PPP2R3A: variants seen among roughly 807,000 people sequenced by gnomAD.
The protein encoded by PPP2R3A is serine/threonine-protein phosphatase 2A regulatory subunit B'' subunit alpha.
PPP2R3A carries 80 observed loss-of-function variants against 106.9 expected under a neutral mutation model. The ratio of observed to expected loss-of-function variants is 0.75; its 90% CI spans 0.62 to 0.90. PPP2R3A has a LOEUF of 0.90. PPP2R3A is among the 40% of genes least tolerant of loss of function. The probability of loss-of-function intolerance (pLI) is 0.00; values close to 1 mark genes in which losing one functional copy is unlikely to be tolerated. For missense variants in PPP2R3A, 1,386 were observed against 1,350.4 expected (o/e 1.03, Z -0.41); for synonymous variants, 483 against 468.3 (o/e 1.03, Z -0.41).
rs530982101 is a variant in PPP2R3A, at chr3:135,979,784, GAAGA to G, written c.-441+13936_-441+13939del. Among the ~76,000 whole-genome samples the G allele has an allele frequency of 1.4e-4, 21 of 151,864 alleles. No homozygotes were observed. In the South Asian group the frequency reaches 4.1e-3, roughly 30 times the overall value. On this transcript the variant is annotated intron_variant, in intron 1 of 13. Transcript: ENST00000264977. ...AGGGTTTTTTGGCTACAGATTAAATGAAGAGAGACACCAAGAGAGGGAAGGAGGC... is the reference window on the plus strand; with the variant it reads ...AGGGTTTTTTGGCTACAGATTAAATGGAGACACCAAGAGAGGGAAGGAGGC...
chr3:136,073,318 T>C (rs1936496876), intron 6 of PPP2R3A, among the ~76,000 whole-genome samples: 1 of 152,190 alleles, frequency 6.6e-6, no homozygotes, highest in Non-Finnish European at 1.5e-5. Context: ...AACCATTTTG[T>C]TCACATATAA....
chr3:136,041,281 A>G (rs560525186), intron 4 of PPP2R3A, among the ~76,000 whole-genome samples: 1 of 86,108 alleles, frequency 1.2e-5, no homozygotes, highest in African/African-American at 5.9e-5. Context: ...TTTTTGAGAC[A>G]GAATGTCACT....
chr3:136,074,919 A>G (rs1936549401), intron 6 of PPP2R3A, among the ~76,000 whole-genome samples: 1 of 152,244 alleles, frequency 6.6e-6, no homozygotes, highest in South Asian at 2.1e-4. Context: ...ACAGAAGACC[A>G]TAAGGAAATA....
At chr3:136,016,666 A>G (rs761827324) in intron 2 of PPP2R3A, among the ~76,000 whole-genome samples, 18 of 152,274 alleles carry the variant, frequency 1.2e-4, no homozygotes, top group Middle Eastern at 3.4e-3. Flanking sequence ...TGCATGGATT[A>G]TCTTTTTCCA....
In PPP2R3A at chr3:136,063,541, T is replaced by C. The variant is rs186457070; in HGVS notation, c.2470-6937T>C. On this transcript the variant is annotated intron_variant, in intron 5 of 13. Transcript: ENST00000264977. The stretch of plus-strand genomic sequence containing the variant: ...CTACTCATCTGACAAAGGGCTAATA[T>C]CTAGAATCTACAATGAACTCCAACA... Among the ~76,000 whole-genome samples the C allele has an allele frequency of 7.2e-3, 1,102 of 152,240 alleles. 11 individuals are homozygous for C. Among genetic ancestry groups the C allele is most frequent in the African/African-American group, 0.026 (1,079 of 41,526 alleles).
chr3:136,069,629 A>G lies in PPP2R3A; in HGVS notation c.2470-849A>G, dbSNP rs931080664. On this transcript the variant is annotated intron_variant, in intron 5 of 13. Transcript: ENST00000264977. ...TAATAATAAGCCTAAAAAAAGTTAA[A>G]GAAATAAGTCCATTGGTTTGAGACT... Among the ~76,000 whole-genome samples, 8 of 152,292 alleles carry G rather than the reference A, an allele frequency of 5.3e-5. No homozygotes were observed. The East Asian group carries it at 1.4e-3, about 26-fold the overall frequency.
rs1382547283 is a variant in PPP2R3A at position 136,001,617 on chromosome 3, A to G, written c.119A>G (p.His40Arg). ...ACTGGAACCTGCCACACCTTCACAC[A>G]TGGAATTGACTGCATTGTGGTACAC... ...YCTGTCHTFT[H>R]GIDCIVVHHS... Residue 40 changes from histidine (H) to arginine (R), a missense_variant, in exon 2 of 14, where the codon CAT (histidine) becomes CGT (arginine). Transcript: ENST00000264977. The G allele has an allele frequency of 8.1e-6, 13 of 1,614,174 alleles. No individual in the cohort carries two copies. The highest frequency in any genetic ancestry group is 3.3e-5 in the South Asian group (3 of 91,086).
intron 5 of PPP2R3A, chr3:136,055,791 T>C: frequency 1.7e-6 from 1 of 574,878 alleles, no homozygotes; most frequent in Non-Finnish European, 3.1e-6. Flanking sequence ...TTGCACATAC[T>C]GATATAAATA....
rs145131622 is a variant in PPP2R3A, at chr3:136,026,029, C to T, written c.1996-803C>T. On this transcript the variant is annotated intron_variant, in intron 2 of 13. Coordinates refer to ENST00000264977, the MANE Select transcript of PPP2R3A (RefSeq NM_002718.5). ...GCAATCTTAATTTCCTCGTTGCCTC[C>T]CTGCCACTCTTTACTGACCTTTCTA... 5.4e-3 allele frequency among the ~76,000 whole-genome samples: 824 copies of T among 152,192 alleles called. 13 individuals are homozygous for T. The highest frequency in any genetic ancestry group is 0.019 in the African/African-American group (787 of 41,516).
chr3:136,088,130 C>T lies in PPP2R3A; in HGVS notation c.2837+199C>T, dbSNP rs1341417957. ...CAACTTTTCTGATTCAGGGGGTACACGTGCAGGTCTGTCACATGGGAACAC... is the reference window on the plus strand; with the variant it reads ...CAACTTTTCTGATTCAGGGGGTACATGTGCAGGTCTGTCACATGGGAACAC... On this transcript the variant is annotated intron_variant, in intron 9 of 13. Coordinates refer to ENST00000264977, the MANE Select transcript of PPP2R3A (RefSeq NM_002718.5). Among the ~76,000 whole-genome samples, 3 of 152,094 alleles carry T rather than the reference C, an allele frequency of 2.0e-5. No individual in the cohort carries two copies. In the East Asian group the frequency reaches 5.8e-4, roughly 29 times the overall value.
intron 13 of PPP2R3A, among the ~76,000 whole-genome samples, chr3:136,131,983 C>T (rs1041823903): frequency 8.2e-5 from 8 of 97,860 alleles, no homozygotes; most frequent in African/African-American, 2.8e-4. Flanking sequence ...GGACACAGGG[C>T]GGGGAACATC....
chr3:136,015,817 T>G (rs1576436308), intron 2 of PPP2R3A, among the ~76,000 whole-genome samples: 1 of 152,220 alleles, frequency 6.6e-6, no homozygotes, highest in Non-Finnish European at 1.5e-5. Flanking sequence ...GAATTTCATT[T>G]AGTTCTGCTC....
chr3:135,978,015 T>TA (rs1185455406), intron 1 of PPP2R3A, among the ~76,000 whole-genome samples: 3 of 152,088 alleles, frequency 2.0e-5, no homozygotes, highest in Non-Finnish European at 2.9e-5. Context: ...AGCATTCTTA[T>TA]AAAACATCAA....
chr3:136,101,507 C>T (rs1937359094), intron 10 of PPP2R3A, among the ~76,000 whole-genome samples: 1 of 152,206 alleles, frequency 6.6e-6, no homozygotes, highest in African/African-American at 2.4e-5. Context: ...TCACTGCACC[C>T]TCCACCTCCC....
At chr3:136,092,809 GAAC>G (rs1452203901) in intron 10 of PPP2R3A, among the ~76,000 whole-genome samples, 3 of 152,164 alleles carry the variant, frequency 2.0e-5, no homozygotes, top group African/African-American at 7.2e-5. Flanking sequence ...AATAGTGCCG[GAAC>G]AACTGGATAT....
chr3:136,055,403 C>T (rs891705648), intron 5 of PPP2R3A: 1 of 993,242 alleles, frequency 1.0e-6, no homozygotes, highest in Non-Finnish European at 1.6e-6. Context: ...CCTCTTATCC[C>T]CTGTTGCTCT....
rs1933704720 is a variant in PPP2R3A at position 136,003,088 on chromosome 3, A to C, written c.1590A>C (p.Pro530=). 4.3e-6 allele frequency: 7 copies of C among 1,610,762 alleles called. No individual in the cohort carries two copies. Among genetic ancestry groups the C allele is most frequent in the Non-Finnish European group, 5.1e-6 (6 of 1,179,248 alleles). The part of the protein sequence containing the change: ...SQKMETSLRE[P]LAKGKNSNFL... The stretch of plus-strand genomic sequence containing the variant: ...AGATGGAGACCTCTCTAAGAGAGCC[A>C]CTTGCGAAGGGTAAAAACTCTAATT... Residue 530 remains proline, a synonymous_variant, in exon 2 of 14, where the codon CCA becomes CCC. Coordinates refer to ENST00000264977, the MANE Select transcript of PPP2R3A (RefSeq NM_002718.5).
intron 13 of PPP2R3A, among the ~76,000 whole-genome samples, chr3:136,113,841 G>C (rs752390694): frequency 6.6e-6 from 1 of 151,444 alleles, no homozygotes; most frequent in African/African-American, 2.4e-5. Flanking sequence ...CCTAAAACTA[G>C]AAGAAAACCT....
At chr3:136,064,822 G>A (rs1005658831) in intron 5 of PPP2R3A, among the ~76,000 whole-genome samples, 41 of 152,174 alleles carry the variant, frequency 2.7e-4, no homozygotes, top group Admixed American at 2.0e-3. Flanking sequence ...AATGAAATAC[G>A]TTCCTCATAG....
Sources: allele counts gnomAD v4.1 joint callset (sites outside exome capture counted in the v4.1 genomes callset), GRCh38; gene constraint gnomAD v4.1.1; transcripts MANE v1.5; gene names NCBI Gene and HGNC (gene_info 2026-07-23, HGNC 2026-07-21).